TUBB2B: variants seen among roughly 807,000 people sequenced by gnomAD.
TUBB2B encodes the protein tubulin beta 2B class IIb, also known as tubulin beta-2B chain.
Under a neutral mutation model 35.0 loss-of-function variants are expected in TUBB2B, and 5 were observed. That is an observed-to-expected ratio of 0.14 (90% CI 0.07 to 0.30). TUBB2B has a LOEUF of 0.30. Among genes scored for constraint, TUBB2B ranks in the 10% least tolerant of loss-of-function variants. The pLI is 1.00. For synonymous variants in TUBB2B, 166 were observed against 250.5 expected (o/e 0.66, Z 3.18); for missense variants, 63 against 601.8 (o/e 0.10, Z 9.37).
In TUBB2B at chr6:3,226,974, G is replaced by A. The variant is rs1220721941; in HGVS notation, c.58-305C>T. Among the ~76,000 whole-genome samples, 5 of 152,194 alleles carry A rather than the reference G, an allele frequency of 3.3e-5. No homozygotes were observed. The highest frequency in any genetic ancestry group is 7.4e-5 in the Non-Finnish European group (5 of 68,026). On this transcript the variant is annotated intron_variant, in intron 1 of 3. Coordinates refer to ENST00000259818, the MANE Select transcript of TUBB2B (RefSeq NM_178012.5). The surrounding 1 kb of genome is among the most constrained non-coding windows in gnomAD (Gnocchi z 5.5). Reference sequence around the variant, plus strand: ...TGGTCGCAGCCCCAGGCTGCGGCAGGAGGCGAGGGCACAGGGACTGCAGCC... The same window carrying A: ...TGGTCGCAGCCCCAGGCTGCGGCAGAAGGCGAGGGCACAGGGACTGCAGCC...
rs1757295084 is a variant in TUBB2B, at chr6:3,226,924, C to CG, written c.58-256dup. On this transcript the variant is annotated intron_variant, in intron 1 of 3. Coordinates refer to ENST00000259818, the MANE Select transcript of TUBB2B (RefSeq NM_178012.5). This position sits in a 1 kb window ranked among gnomAD's most constrained non-coding sequence, Gnocchi z 5.5. Reference sequence around the variant, plus strand: ...CGAGGGGGTAAGGACCAGCCAAAGCCGGGCAGTGGCGGAGCTTGGCGCACT... The same window carrying CG: ...CGAGGGGGTAAGGACCAGCCAAAGCCGGGGCAGTGGCGGAGCTTGGCGCACT... Among the ~76,000 whole-genome samples, 1 of 152,158 alleles carries CG rather than the reference C, an allele frequency of 6.6e-6. No homozygotes were observed. Among genetic ancestry groups the CG allele is most frequent in the South Asian group, 2.1e-4 (1 of 4,836 alleles).
chr6:3,224,686 C>T lies in TUBB2B; in HGVS notation c.*65G>A. 1.2e-6 allele frequency: 2 copies of T among 1,602,714 alleles called. No individual in the cohort carries two copies. The highest frequency in any genetic ancestry group is 1.8e-4 in the Middle Eastern group (1 of 5,596). ...TTTCCTTCCACTGCCAGGTTATCGTCCCGGGAAGCCCCCCACCCCCTCGCT... is the reference window on the plus strand; with the variant it reads ...TTTCCTTCCACTGCCAGGTTATCGTTCCGGGAAGCCCCCCACCCCCTCGCT... On this transcript the variant is annotated 3_prime_UTR_variant, in exon 4 of 4. Transcript: ENST00000259818.
Position 3,224,663 on chromosome 6 carries a change from TC to T in TUBB2B, c.*87del. The T allele has an allele frequency of 6.3e-7, 1 of 1,577,970 alleles. No homozygotes were observed. Among genetic ancestry groups the T allele is most frequent in the Non-Finnish European group, 8.6e-7 (1 of 1,159,958 alleles). Reference sequence around the variant, plus strand: ...ACACCTAAAGTAGACCATGCTTCTTTCCTTCCACTGCCAGGTTATCGTCCCG... The same window carrying T: ...ACACCTAAAGTAGACCATGCTTCTTTCTTCCACTGCCAGGTTATCGTCCCG... On this transcript the variant is annotated 3_prime_UTR_variant, in exon 4 of 4. Coordinates refer to ENST00000259818, the MANE Select transcript of TUBB2B (RefSeq NM_178012.5).
rs765535722 is a variant in TUBB2B at position 3,224,802 on chromosome 6, C to G, written c.1287G>C (p.Thr429=). Reference sequence around the variant, plus strand: ...CCTCGAACTCCCCTTGTTCGTCGGCCGTGGCGTCCTGGTACTGCTGGTACT... The same window carrying G: ...CCTCGAACTCCCCTTGTTCGTCGGCGGTGGCGTCCTGGTACTGCTGGTACT... ...VSEYQQYQDA[T]ADEQGEFEEE... Residue 429 remains threonine, a synonymous_variant, in exon 4 of 4, where the codon ACG becomes ACC. Coordinates refer to ENST00000259818, the MANE Select transcript of TUBB2B (RefSeq NM_178012.5). 1 of 1,613,522 alleles carries G rather than the reference C, an allele frequency of 6.2e-7. No homozygotes were observed. Among genetic ancestry groups the G allele is most frequent in the Non-Finnish European group, 8.5e-7 (1 of 1,179,940 alleles).
rs995757887 is a variant in TUBB2B, at chr6:3,226,256, A to G, written c.180T>C (p.Val60=). 1.2e-6 allele frequency: 2 copies of G among 1,614,036 alleles called. No individual in the cohort carries two copies. The highest frequency in any genetic ancestry group is 1.7e-6 in the Non-Finnish European group (2 of 1,179,986). Residue 60 remains valine, a synonymous_variant, in exon 3 of 4, where the codon GTT becomes GTC. Coordinates refer to ENST00000259818, the MANE Select transcript of TUBB2B (RefSeq NM_178012.5). This position sits in a 1 kb window ranked among gnomAD's most constrained non-coding sequence, Gnocchi z 5.5. ...YYNEATGNKY[V]PRAILVDLEP... is the part of the protein sequence containing the mutation. ...CCAGATCCACGAGGATGGCCCGAGG[A>G]ACATATTTGTTACCTGCAAGGAACA...
At position 3,224,640 on chromosome 6, in the gene TUBB2B, A is replaced by C. The variant is rs111970943; in HGVS notation, c.*111T>G. On this transcript the variant is annotated 3_prime_UTR_variant, in exon 4 of 4. Coordinates refer to ENST00000259818, the MANE Select transcript of TUBB2B (RefSeq NM_178012.5). ...GAAGAGCACCAGAGACCCAGCGCACACCTAAAGTAGACCATGCTTCTTTCC... is the reference window on the plus strand; with the variant it reads ...GAAGAGCACCAGAGACCCAGCGCACCCCTAAAGTAGACCATGCTTCTTTCC... The C allele has an allele frequency of 1.9e-5, 29 of 1,517,812 alleles. No individual in the cohort carries two copies. The African/African-American group carries it at 2.9e-4, about 15-fold the overall frequency. 94.0% of individuals were successfully genotyped at this position (1,517,812 alleles called of 1,614,324 possible).
rs929695284 is a variant in TUBB2B, at chr6:3,224,463, A to G, written c.*288T>C. 14 of 558,584 alleles carry G rather than the reference A, an allele frequency of 2.5e-5. No homozygotes were observed. The highest frequency in any genetic ancestry group is 4.7e-4 in the Middle Eastern group (1 of 2,114). 34.6% of individuals were successfully genotyped at this position (558,584 alleles called of 1,614,324 possible). ...AGAAAGTTACATTTAAATCGTTAAT[A>G]AAGAGAAAAAGGAAGAGAAAGAGAG... On this transcript the variant is annotated 3_prime_UTR_variant, in exon 4 of 4. Coordinates refer to ENST00000259818, the MANE Select transcript of TUBB2B (RefSeq NM_178012.5).
At position 3,226,948 on chromosome 6, in the gene TUBB2B, C is replaced by G. The variant is rs1196846513; in HGVS notation, c.58-279G>C. Among the ~76,000 whole-genome samples, 2 of 152,156 alleles carry G rather than the reference C, an allele frequency of 1.3e-5. No homozygotes were observed. Among genetic ancestry groups the G allele is most frequent in the African/African-American group, 2.4e-5 (1 of 41,444 alleles). On this transcript the variant is annotated intron_variant, in intron 1 of 3. Transcript: ENST00000259818. This position sits in a 1 kb window ranked among gnomAD's most constrained non-coding sequence, Gnocchi z 5.5. The stretch of plus-strand genomic sequence containing the variant: ...CCGGGCAGTGGCGGAGCTTGGCGCA[C>G]TGGTCGCAGCCCCAGGCTGCGGCAG...
rs1044676103 is a variant in TUBB2B at position 3,227,308 on chromosome 6, G to A, written c.57+179C>T. Among the ~76,000 whole-genome samples the A allele has an allele frequency of 3.3e-5, 5 of 152,078 alleles. No homozygotes were observed. The highest frequency in any genetic ancestry group is 4.8e-5 in the African/African-American group (2 of 41,434). On this transcript the variant is annotated intron_variant, in intron 1 of 3. Transcript: ENST00000259818. The surrounding 1 kb of genome is among the most constrained non-coding windows in gnomAD (Gnocchi z 7.8). ...AGTTACAGCAGAAAGAAAGAGAGGT[G>A]CCCCCTCCGTCCGCGAAAGTCACCT...
In TUBB2B at chr6:3,227,632, G is replaced by T. The variant is rs1053197850; in HGVS notation, c.-89C>A. The T allele has an allele frequency of 4.8e-5, 75 of 1,556,104 alleles. No homozygotes were observed. The highest frequency in any genetic ancestry group is 5.7e-5 in the Non-Finnish European group (65 of 1,148,190). ...CCCACTGCGGGGTCACCGGGAAGGC[G>T]CTCGGGAACCGACGGGCTGAGAGCG... On this transcript the variant is annotated 5_prime_UTR_variant, in exon 1 of 4. Transcript: ENST00000259818. This position sits in a 1 kb window ranked among gnomAD's most constrained non-coding sequence, Gnocchi z 7.8.
rs1054332 is a variant in TUBB2B, at chr6:3,225,480, G to A, written c.609C>T (p.Asp203=). Residue 203 remains aspartate (D), a synonymous_variant, in exon 4 of 4, where the codon GAC becomes GAT. Coordinates refer to ENST00000259818, the MANE Select transcript of TUBB2B (RefSeq NM_178012.5). The part of the protein sequence containing the change: ...VENTDETYCI[D]NEALYDICFR... ...AGCAGATGTCATACAGGGCCTCGTT[G>A]TCAATGCAGTAGGTTTCATCTGTGT... 6,503 of 1,612,216 alleles carry A rather than the reference G, an allele frequency of 4.0e-3. 34 individuals are homozygous for A. Among genetic ancestry groups the A allele is most frequent in the Middle Eastern group, 0.026 (155 of 6,038 alleles).
chr6:3,226,490 G>A lies in TUBB2B; in HGVS notation c.166+71C>T. 7.1e-7 allele frequency: 1 copy of A among 1,408,028 alleles called. No individual in the cohort carries two copies. Among genetic ancestry groups the A allele is most frequent in the South Asian group, 1.2e-5 (1 of 86,892 alleles). 87.2% of individuals were successfully genotyped at this position (1,408,028 alleles called of 1,614,324 possible). A position where few individuals can be genotyped will look rare whatever the true frequency, so the allele number is the denominator to read the frequency against. ...ACCCTCTCCCAGGGCCACACCCCTG[G>A]GGTCCCACGCAAGGGAAAGGGGAGA... On this transcript the variant is annotated intron_variant, in intron 2 of 3. Transcript: ENST00000259818. This position sits in a 1 kb window ranked among gnomAD's most constrained non-coding sequence, Gnocchi z 5.5.
chr6:3,227,374 A>C lies in TUBB2B; in HGVS notation c.57+113T>G. ...ACTCGGCGGCACAAAGCGGCCAGGA[A>C]GGTCTGCATTTGGCGATCCCCAGGC... On this transcript the variant is annotated intron_variant, in intron 1 of 3. Transcript: ENST00000259818. This position sits in a 1 kb window ranked among gnomAD's most constrained non-coding sequence, Gnocchi z 7.8. 7.1e-7 allele frequency: 1 copy of C among 1,401,600 alleles called. No homozygotes were observed. Among genetic ancestry groups the C allele is most frequent in the South Asian group, 1.2e-5 (1 of 81,466 alleles). 86.8% of individuals were successfully genotyped at this position (1,401,600 alleles called of 1,614,324 possible).
Position 3,226,480 on chromosome 6 carries a change from C to T in TUBB2B, c.166+81G>A, listed in dbSNP as rs1757289108. 1 of 1,326,968 alleles carries T rather than the reference C, an allele frequency of 7.5e-7. No homozygotes were observed. The highest frequency in any genetic ancestry group is 1.1e-6 in the Non-Finnish European group (1 of 918,758). 82.2% of individuals were successfully genotyped at this position (1,326,968 alleles called of 1,614,324 possible). A position where few individuals can be genotyped will look rare whatever the true frequency, so the allele number is the denominator to read the frequency against. On this transcript the variant is annotated intron_variant, in intron 2 of 3. Transcript: ENST00000259818. The surrounding 1 kb of genome is among the most constrained non-coding windows in gnomAD (Gnocchi z 5.5). The stretch of plus-strand genomic sequence containing the variant: ...TGAATAGTCCACCCTCTCCCAGGGC[C>T]ACACCCCTGGGGTCCCACGCAAGGG...
chr6:3,226,268 A>G lies in TUBB2B; in HGVS notation c.168T>C (p.Gly56=). 6.2e-7 allele frequency: 1 copy of G among 1,613,156 alleles called. No individual in the cohort carries two copies. The highest frequency in any genetic ancestry group is 8.5e-7 in the Non-Finnish European group (1 of 1,179,228). ...GGATGGCCCGAGGAACATATTTGTT[A>G]CCTGCAAGGAACAACAGTGACTTAG... The part of the protein sequence containing the change: ...RINVYYNEAT[G]NKYVPRAILV... The change falls in exon 3 of 4, where the codon GGT becomes GGC. Residue 56 remains glycine, a splice_region_variant and synonymous_variant. Transcript: ENST00000259818. This position sits in a 1 kb window ranked among gnomAD's most constrained non-coding sequence, Gnocchi z 5.5.
Position 3,226,734 on chromosome 6 carries a change from A to G in TUBB2B, c.58-65T>C. The G allele has an allele frequency of 7.3e-7, 1 of 1,361,074 alleles. No homozygotes were observed. The allele number at this position is 1,361,074 out of a possible 1,614,324, so 84.3% of individuals were successfully genotyped here. On this transcript the variant is annotated intron_variant, in intron 1 of 3. Transcript: ENST00000259818. The surrounding 1 kb of genome is among the most constrained non-coding windows in gnomAD (Gnocchi z 5.5). ...CCAGAAACGCCAAGGCTCACAATGA[A>G]ATGTCCCCGACTCAGTTCCGACAAC...
rs891207695 is a variant in TUBB2B at position 3,226,115 on chromosome 6, C to T, written c.277+44G>A. On this transcript the variant is annotated intron_variant, in intron 3 of 3. Transcript: ENST00000259818. The surrounding 1 kb of genome is among the most constrained non-coding windows in gnomAD (Gnocchi z 5.5). ...CACCTCTTCAGCCTCCACTGCCCAG[C>T]GTAAAATGAATCCCTCATGCTCTCA... 6.4e-7 allele frequency: 1 copy of T among 1,557,028 alleles called. No homozygotes were observed. Among genetic ancestry groups the T allele is most frequent in the South Asian group, 1.1e-5 (1 of 89,826 alleles).
chr6:3,226,700 A>C lies in TUBB2B; in HGVS notation c.58-31T>G, dbSNP rs367839939. ...ACAGAAAGGCTGCATTTAGCCATGA[A>C]CGATGCCCCCAGAAACGCCAAGGCT... is the stretch of plus-strand genomic sequence containing the variant. On this transcript the variant is annotated intron_variant, in intron 1 of 3. Coordinates refer to ENST00000259818, the MANE Select transcript of TUBB2B (RefSeq NM_178012.5). This position sits in a 1 kb window ranked among gnomAD's most constrained non-coding sequence, Gnocchi z 5.5. 1 of 1,571,460 alleles carries C rather than the reference A, an allele frequency of 6.4e-7. No homozygotes were observed. The highest frequency in any genetic ancestry group is 8.8e-7 in the Non-Finnish European group (1 of 1,141,234).
Position 3,226,832 on chromosome 6 carries a change from GGTTCAGAAA to G in TUBB2B, c.58-172_58-164del, listed in dbSNP as rs1330315157. Among the ~76,000 whole-genome samples, 7 of 152,258 alleles carry G rather than the reference GGTTCAGAAA, an allele frequency of 4.6e-5. No homozygotes were observed. The highest frequency in any genetic ancestry group is 1.7e-4 in the African/African-American group (7 of 41,554). On this transcript the variant is annotated intron_variant, in intron 1 of 3. Transcript: ENST00000259818. This position sits in a 1 kb window ranked among gnomAD's most constrained non-coding sequence, Gnocchi z 5.5. The stretch of plus-strand genomic sequence containing the variant: ...ACAGCCGCGGGGCTTGTATTTTGCA[GGTTCAGAAA>G]GTTGAAACTGGGCGTTTCCCAGGCA...
Sources: gnomAD v4.1 joint callset for allele counts (sites outside exome capture counted in the v4.1 genomes callset) on GRCh38, gnomAD v4.1.1 for gene constraint, Gnocchi (gnomAD v3.1) non-coding constraint, MANE v1.5 for transcripts, NCBI Gene and HGNC (gene_info 2026-07-23, HGNC 2026-07-21) for gene names.